The following DOK5 variants were observed in gnomAD, a reference collection of about 807,000 sequenced individuals.
The protein encoded by DOK5 is docking protein 5, also known as downstream of tyrosine kinase 5.
Under a neutral mutation model 43.3 loss-of-function variants are expected in DOK5, and 27 were observed. The observed-to-expected ratio is 0.62, with a 90% CI of 0.46 to 0.86. DOK5 has a LOEUF of 0.86. DOK5 is among the 40% of genes least tolerant of loss of function. The pLI, the probability that DOK5 is intolerant of heterozygous loss-of-function variation, is 0.00. For missense variants in DOK5, 373 were observed against 392.9 expected (o/e 0.95, Z 0.43); for synonymous variants, 146 against 140.1 (o/e 1.04, Z -0.30).
chr20:54,634,441 T>TTTTTTTC (rs1329332514), intron 6 of DOK5, among the ~76,000 whole-genome samples: 2 of 136,636 alleles, frequency 1.5e-5, no homozygotes, highest in Non-Finnish European at 3.1e-5. Flanking sequence ...ATCATGCTTT[T>TTTTTTTC]TTTTTTTTTT....
chr20:54,568,982 G>T lies in DOK5; in HGVS notation c.174+13942G>T, dbSNP rs1487376790. ...GTTTCTGAAATGTATGGACTAAAAC[G>T]CAAAAAAAAAAAAAAAAAAAAAATT... is the stretch of plus-strand genomic sequence containing the variant. On this transcript the variant is annotated intron_variant, in intron 2 of 7. Transcript: ENST00000262593. Among the ~76,000 whole-genome samples the T allele has an allele frequency of 1.1e-4, 4 of 35,884 alleles. No individual in the cohort carries two copies. In the East Asian group the frequency reaches 2.1e-3, roughly 19 times the overall value. The allele number at this position is 35,884 out of a possible 152,430, so 23.5% of individuals were successfully genotyped here.
At chr20:54,488,761 A>ACCCCTTCCTTCCCT (rs555118773) in intron 1 of DOK5, among the ~76,000 whole-genome samples, 5 of 90,618 alleles carry the variant, frequency 5.5e-5, no homozygotes, top group African/African-American at 1.8e-4. Flanking sequence ...CTCTTTCCCT[A>ACCCCTTCCTTCCCT]CCCCTCCCCT....
chr20:54,609,321 C>T (rs1986568390), intron 5 of DOK5, among the ~76,000 whole-genome samples: 1 of 152,172 alleles, frequency 6.6e-6, no homozygotes, highest in Admixed American at 6.5e-5. Flanking sequence ...GGCGTTGTGT[C>T]TTAGAATAAT....
At chr20:54,564,487 C>T (rs1985025271) in intron 2 of DOK5, among the ~76,000 whole-genome samples, 1 of 152,198 alleles carries the variant, frequency 6.6e-6, no homozygotes, top group African/African-American at 2.4e-5. Flanking sequence ...TTTTGGTCAA[C>T]ACCATTGAAA....
chr20:54,569,873 A>AT (rs1355564860), intron 2 of DOK5, among the ~76,000 whole-genome samples: 2 of 152,222 alleles, frequency 1.3e-5, no homozygotes, highest in Non-Finnish European at 2.9e-5. Flanking sequence ...GCATGTAGAT[A>AT]TTTTTGGAAG....
chr20:54,529,167 T>A (rs1244974493), intron 1 of DOK5, among the ~76,000 whole-genome samples: 1 of 152,192 alleles, frequency 6.6e-6, no homozygotes, highest in Non-Finnish European at 1.5e-5. Context: ...TCACTTAGCC[T>A]TCTAATGATT....
intron 1 of DOK5, among the ~76,000 whole-genome samples, chr20:54,502,574 C>G (rs1474276433): frequency 6.6e-6 from 1 of 152,160 alleles, no homozygotes; most frequent in African/African-American, 2.4e-5. Context: ...ATAGTTTCTT[C>G]TCTTTCAGCC....
In DOK5 at chr20:54,480,273, GT is replaced by G. The variant is rs564527247; in HGVS notation, c.66+4262del. Among the ~76,000 whole-genome samples the G allele has an allele frequency of 4.6e-3, 702 of 152,236 alleles. 7 individuals are homozygous for G. Among genetic ancestry groups the G allele is most frequent in the African/African-American group, 0.016 (661 of 41,514 alleles). On this transcript the variant is annotated intron_variant, in intron 1 of 7. Coordinates refer to ENST00000262593, the MANE Select transcript of DOK5 (RefSeq NM_018431.5). ...TCTAAGTCACAGGATGAGATAGGAG[GT>G]CGGCACAAGATACAGGTCATAAAGA...
chr20:54,630,651 T>C (rs1222270632), intron 6 of DOK5, among the ~76,000 whole-genome samples: 1 of 152,242 alleles, frequency 6.6e-6, no homozygotes, highest in Admixed American at 6.5e-5. Context: ...TCCTTGTTTT[T>C]ACGATCGTTT....
Position 54,530,832 on chromosome 20 carries a change from C to T in DOK5, c.67-24101C>T, listed in dbSNP as rs948307972. 2.0e-5 allele frequency among the ~76,000 whole-genome samples: 3 copies of T among 152,140 alleles called. No homozygotes were observed. In the East Asian group the frequency reaches 5.8e-4, roughly 29 times the overall value. On this transcript the variant is annotated intron_variant, in intron 1 of 7. Transcript: ENST00000262593. The stretch of plus-strand genomic sequence containing the variant: ...CCTTTCACCCCTGCAATACCCTGTA[C>T]ACCCATTATTTCCCAAATGTAAGAA...
In DOK5 at chr20:54,541,429, T is replaced by C. The variant is rs528960708; in HGVS notation, c.67-13504T>C. On this transcript the variant is annotated intron_variant, in intron 1 of 7. Coordinates refer to ENST00000262593, the MANE Select transcript of DOK5 (RefSeq NM_018431.5). ...AAAAACCAACATCTTTACTCAATTA[T>C]TTATTTTTATTTTTTACTTTTTTTG... is the stretch of plus-strand genomic sequence containing the variant. Among the ~76,000 whole-genome samples, 19 of 152,286 alleles carry C rather than the reference T, an allele frequency of 1.2e-4. No homozygotes were observed. In the South Asian group the frequency reaches 3.7e-3, roughly 30 times the overall value.
At chr20:54,609,696 C>T (rs1207425843) in intron 5 of DOK5, among the ~76,000 whole-genome samples, 1 of 152,052 alleles carries the variant, frequency 6.6e-6, no homozygotes, top group East Asian at 1.9e-4. Context: ...AAATTTATTT[C>T]TCTTTGTTTA....
intron 6 of DOK5, among the ~76,000 whole-genome samples, chr20:54,612,896 T>C (rs1437787845): frequency 6.6e-6 from 1 of 152,214 alleles, no homozygotes; most frequent in African/African-American, 2.4e-5. Flanking sequence ...AAGTTCTTGA[T>C]ATCCCTGAGC....
chr20:54,641,735 C>T (rs577256161), intron 6 of DOK5, among the ~76,000 whole-genome samples: 1 of 152,158 alleles, frequency 6.6e-6, no homozygotes, highest in South Asian at 2.1e-4. Flanking sequence ...GGTCTGTAAC[C>T]CCCTGTGTCT....
At chr20:54,602,519 C>G (rs765526013) in intron 5 of DOK5, among the ~76,000 whole-genome samples, 1 of 152,084 alleles carries the variant, frequency 6.6e-6, no homozygotes, top group Non-Finnish European at 1.5e-5. Flanking sequence ...ACTTTTTGAT[C>G]TTTTTGGTTG....
At chr20:54,500,926 A>C (rs1357019160) in intron 1 of DOK5, among the ~76,000 whole-genome samples, 1 of 152,146 alleles carries the variant, frequency 6.6e-6, no homozygotes, top group African/African-American at 2.4e-5. Context: ...TTTTAACTTT[A>C]AAACTGTGAG....
At chr20:54,541,520 C>T (rs1012128255) in intron 1 of DOK5, among the ~76,000 whole-genome samples, 2 of 152,276 alleles carry the variant, frequency 1.3e-5, no homozygotes, top group Admixed American at 1.3e-4. Flanking sequence ...ACTGCAACCT[C>T]TGCCTCCCAG....
At chr20:54,589,295 C>A (rs1255243808) in intron 4 of DOK5, among the ~76,000 whole-genome samples, 1 of 152,044 alleles carries the variant, frequency 6.6e-6, no homozygotes, top group Non-Finnish European at 1.5e-5. Flanking sequence ...TTGGTCATGC[C>A]TTTTTCACTT....
chr20:54,648,602 G>A (rs1045383002), intron 7 of DOK5, among the ~76,000 whole-genome samples: 1 of 152,164 alleles, frequency 6.6e-6, no homozygotes, highest in Non-Finnish European at 1.5e-5. Context: ...TGAGCTGCGG[G>A]CATTCAAAGA....
Sources: gnomAD v4.1 joint callset for allele counts (sites outside exome capture counted in the v4.1 genomes callset) on GRCh38, gnomAD v4.1.1 for gene constraint, MANE v1.5 for transcripts, NCBI Gene and HGNC (gene_info 2026-07-23, HGNC 2026-07-21) for gene names.